Variants in CRIPTO observed in about 807,000 individuals in gnomAD.
The protein encoded by CRIPTO is protein Cripto.
At chr3:46,580,114 G>T in the CRIPTO span, 1 of 1,612,318 alleles carries the variant, frequency 6.2e-7, no homozygotes, top group Non-Finnish European at 8.5e-7. Flanking sequence ...TAGTTGCCTT[G>T]GGGGGTGCTT....
chr3:46,579,531 C>T, the CRIPTO span: 1 of 1,313,884 alleles, frequency 7.6e-7, no homozygotes, highest in South Asian at 1.2e-5. Context: ...TTTTACTTCC[C>T]TAGAGTGCAG....
At chr3:46,576,720 T>C in the CRIPTO span, among the ~76,000 whole-genome samples, 1 of 152,178 alleles carries the variant, frequency 6.6e-6, no homozygotes, top group Non-Finnish European at 1.5e-5. Context: ...GGCTTTCCTT[T>C]AGAAATTGGA....
chr3:46,581,170 A>T, the CRIPTO span: 1 of 1,614,028 alleles, frequency 6.2e-7, no homozygotes, highest in Non-Finnish European at 8.5e-7. Context: ...GGCTTCCAGG[A>T]CTCCAGAACT....
the CRIPTO span, among the ~76,000 whole-genome samples, chr3:46,575,861 A>G: frequency 6.6e-6 from 1 of 152,202 alleles, no homozygotes; most frequent in African/African-American, 2.4e-5. Context: ...TGTGGTGCAC[A>G]AGCTACCTTA....
chr3:46,578,816 T>C, the CRIPTO span, among the ~76,000 whole-genome samples: 1 of 152,140 alleles, frequency 6.6e-6, no homozygotes, highest in South Asian at 2.1e-4. Flanking sequence ...ACATGTGAAA[T>C]AGAAGATAAA....
the CRIPTO span, chr3:46,577,407 T>G: frequency 6.4e-6 from 1 of 155,084 alleles, no homozygotes; most frequent in Non-Finnish European, 1.4e-5. Flanking sequence ...TAAAACTTCC[T>G]GAAATAAAAT....
chr3:46,578,110 A>C, the CRIPTO span: 5 of 1,283,834 alleles, frequency 3.9e-6, no homozygotes. Flanking sequence ...CTCAAGCCTT[A>C]AAAGAGCTGC....
the CRIPTO span, chr3:46,577,638 C>T: frequency 4.9e-5 from 21 of 431,136 alleles, no homozygotes; most frequent in Non-Finnish European, 8.0e-5. Flanking sequence ...ACTCCTCTTC[C>T]CGCGTGTGGG....
chr3:46,579,270 T>C, the CRIPTO span: 1 of 1,614,178 alleles, frequency 6.2e-7, no homozygotes, highest in Admixed American at 1.7e-5. Flanking sequence ...ATCTCGGGGA[T>C]ACCTGGCCTT....
chr3:46,576,912 A>G, the CRIPTO span, among the ~76,000 whole-genome samples: 2 of 151,646 alleles, frequency 1.3e-5, no homozygotes, highest in Non-Finnish European at 2.9e-5. Context: ...GCGGCACATC[A>G]GAGTCCGGGG....
chr3:46,581,201 C>T, the CRIPTO span: 1 of 1,614,190 alleles, frequency 6.2e-7, no homozygotes, highest in East Asian at 2.2e-5. Context: ...GCACGTACTA[C>T]CACTTTTATG....
the CRIPTO span, among the ~76,000 whole-genome samples, chr3:46,575,229 T>C: frequency 6.6e-6 from 1 of 152,266 alleles, no homozygotes; most frequent in South Asian, 2.1e-4. Context: ...ATTACTGTTC[T>C]TTCTCTCCAG....
At chr3:46,581,705 G>A in the CRIPTO span, 2 of 454,626 alleles carry the variant, frequency 4.4e-6, no homozygotes, top group South Asian at 4.1e-5. Flanking sequence ...AGAGATGGGG[G>A]TTTCACCATA....
At chr3:46,581,296 A>C in the CRIPTO span, 1 of 1,450,300 alleles carries the variant, frequency 6.9e-7, no homozygotes, top group Non-Finnish European at 9.7e-7. Flanking sequence ...ATATCATGCA[A>C]ATTTCATGAC....
At chr3:46,574,979 G>A in the CRIPTO span, among the ~76,000 whole-genome samples, 1 of 152,342 alleles carries the variant, frequency 6.6e-6, no homozygotes, top group South Asian at 2.1e-4. Context: ...TCTGCTCTCA[G>A]TGCCTTTTGT....
chr3:46,579,784 T>G, the CRIPTO span: 4 of 1,613,396 alleles, frequency 2.5e-6, no homozygotes, highest in South Asian at 4.4e-5. Flanking sequence ...GGAACCTGCA[T>G]GCTGGGGTCC....
chr3:46,581,225 G>A, the CRIPTO span: 1 of 1,613,966 alleles, frequency 6.2e-7, no homozygotes, highest in South Asian at 1.1e-5. Context: ...GTTGGCATCT[G>A]CCTTTCTATA....
the CRIPTO span, chr3:46,581,063 A>T: frequency 8.5e-7 from 1 of 1,171,620 alleles, no homozygotes; most frequent in Non-Finnish European, 1.3e-6. Context: ...TAGATATGCC[A>T]CATTTGTGGG....
At chr3:46,578,218 T>C in the CRIPTO span, among the ~76,000 whole-genome samples, 1 of 152,248 alleles carries the variant, frequency 6.6e-6, no homozygotes, top group African/African-American at 2.4e-5. Flanking sequence ...ATGTTAATTT[T>C]CATTTTATGT....
Sources: gnomAD v4.1 joint callset for allele counts (sites outside exome capture counted in the v4.1 genomes callset) on GRCh38, gnomAD v4.1.1 for gene constraint, MANE v1.5 for transcripts, NCBI Gene and HGNC (gene_info 2026-07-23, HGNC 2026-07-21) for gene names.